The following TMEM74 variants were observed in gnomAD, a reference collection of about 807,000 sequenced individuals.
TMEM74 encodes transmembrane protein 74.
A neutral mutation model predicts 18.1 loss-of-function variants in TMEM74; 13 were observed. That is an observed-to-expected ratio of 0.72 (90% CI 0.47 to 1.14). TMEM74 has a LOEUF of 1.14. Among genes scored for constraint, TMEM74 ranks in the 50% most tolerant of loss-of-function variants. TMEM74 has a pLI of 0.00. For missense variants in TMEM74, 372 were observed against 375.9 expected (o/e 0.99, Z 0.09); for synonymous variants, 159 against 146.6 (o/e 1.08, Z -0.61).
intron 1 of TMEM74, among the ~76,000 whole-genome samples, chr8:108,714,025 T>C (rs1813499150): frequency 6.6e-6 from 1 of 152,206 alleles, no homozygotes; most frequent in Non-Finnish European, 1.5e-5. Context: ...ACCTTTTCTC[T>C]GTTTTTGTTC....
intron 1 of TMEM74, among the ~76,000 whole-genome samples, chr8:108,772,310 T>C (rs1158172957): frequency 6.6e-6 from 1 of 152,150 alleles, no homozygotes; most frequent in Non-Finnish European, 1.5e-5. Flanking sequence ...TGTGTTGGCA[T>C]TGGGGCCCAA....
chr8:108,674,755 A>T (rs1813036782), intron 1 of TMEM74, among the ~76,000 whole-genome samples: 1 of 152,192 alleles, frequency 6.6e-6, no homozygotes, highest in Non-Finnish European at 1.5e-5. Flanking sequence ...ACAACTCCAG[A>T]ATGGCACCAC....
At chr8:108,643,001 C>G (rs1302404699) in intron 2 of TMEM74, among the ~76,000 whole-genome samples, 2 of 152,104 alleles carry the variant, frequency 1.3e-5, no homozygotes, top group Non-Finnish European at 2.9e-5. Flanking sequence ...TCACTATATA[C>G]CCCTTACCCC....
At chr8:108,619,852 A>T (rs1164671491) in intron 2 of TMEM74, among the ~76,000 whole-genome samples, 2 of 152,188 alleles carry the variant, frequency 1.3e-5, no homozygotes, top group Admixed American at 1.3e-4. Context: ...GATTCATATA[A>T]TGTATGAACC....
chr8:108,780,545 C>T lies in TMEM74; in HGVS notation c.*3636G>A, dbSNP rs1378778837. On this transcript the variant is annotated 3_prime_UTR_variant, in exon 2 of 2. Coordinates refer to ENST00000297459, the MANE Select transcript of TMEM74 (RefSeq NM_153015.3). The stretch of plus-strand genomic sequence containing the variant: ...GAGGTAAAGGCACACATAAGTTTGG[C>T]AGCGCAGTCTCTTTTCAGAAATTGT... Among the ~76,000 whole-genome samples, 3 of 152,186 alleles carry T rather than the reference C, an allele frequency of 2.0e-5. No individual in the cohort carries two copies. Among genetic ancestry groups the T allele is most frequent in the African/African-American group, 7.2e-5 (3 of 41,448 alleles).
downstream of TMEM74, among the ~76,000 whole-genome samples, chr8:108,776,247 C>T (rs1262855949): frequency 1.3e-5 from 2 of 152,252 alleles, no homozygotes; most frequent in Non-Finnish European, 2.9e-5. Context: ...AATCCCAACA[C>T]TTCGGGCAGC....
chr8:108,639,040 A>G (rs541665236), intron 2 of TMEM74, among the ~76,000 whole-genome samples: 1 of 152,262 alleles, frequency 6.6e-6, no homozygotes, highest in East Asian at 1.9e-4. Context: ...ATATGTGGAA[A>G]GGAGCCAAGA....
chr8:108,645,948 G>A (rs1812712997), intron 2 of TMEM74, among the ~76,000 whole-genome samples: 1 of 152,082 alleles, frequency 6.6e-6, no homozygotes, highest in Non-Finnish European at 1.5e-5. Flanking sequence ...TAATGAATAA[G>A]TATTATTTCC....
intron 1 of TMEM74, among the ~76,000 whole-genome samples, chr8:108,731,923 A>C (rs1813699221): frequency 6.6e-6 from 1 of 151,992 alleles, no homozygotes; most frequent in Admixed American, 6.6e-5. Context: ...GAAAAAAAAA[A>C]GCCCACCATT....
At chr8:108,643,759 G>T (rs1203036414) in intron 2 of TMEM74, among the ~76,000 whole-genome samples, 1 of 142,740 alleles carries the variant, frequency 7.0e-6, no homozygotes, top group African/African-American at 2.6e-5. Flanking sequence ...ATAGACAAAA[G>T]AAAAAAAAAA....
chr8:108,706,310 TA>T (rs1199442489), intron 1 of TMEM74, among the ~76,000 whole-genome samples: 1 of 152,226 alleles, frequency 6.6e-6, no homozygotes, highest in Admixed American at 6.5e-5. Flanking sequence ...TTTCATTCTT[TA>T]AACCAAAATG....
At chr8:108,721,485 T>C (rs1376212378) in intron 1 of TMEM74, among the ~76,000 whole-genome samples, 1 of 152,248 alleles carries the variant, frequency 6.6e-6, no homozygotes, top group Non-Finnish European at 1.5e-5. Context: ...TCCATCGATG[T>C]GGAATGCTCT....
At chr8:108,635,751 C>T (rs914399905) in intron 2 of TMEM74, among the ~76,000 whole-genome samples, 3 of 152,048 alleles carry the variant, frequency 2.0e-5, no homozygotes, top group Admixed American at 2.0e-4. Context: ...GCAACCTTGA[C>T]TAATTTTTTT....
chr8:108,681,110 C>T (rs968702330), intron 1 of TMEM74, among the ~76,000 whole-genome samples: 2 of 152,144 alleles, frequency 1.3e-5, no homozygotes, highest in Admixed American at 1.3e-4. Flanking sequence ...TTTCTAGATT[C>T]AATGCCATCC....
intron 2 of TMEM74, among the ~76,000 whole-genome samples, chr8:108,631,626 C>T (rs1352102230): frequency 6.6e-6 from 1 of 151,952 alleles, no homozygotes; most frequent in Admixed American, 6.6e-5. Context: ...AGACCTTTGT[C>T]GGATGCATAG....
intron 1 of TMEM74, among the ~76,000 whole-genome samples, chr8:108,754,268 T>A (rs1186653644): frequency 6.6e-6 from 1 of 152,184 alleles, no homozygotes; most frequent in Non-Finnish European, 1.5e-5. Flanking sequence ...GTAGTTCTTA[T>A]TCTCATTTTA....
intron 1 of TMEM74, among the ~76,000 whole-genome samples, chr8:108,771,201 A>G (rs144325057): frequency 1.3e-5 from 2 of 152,278 alleles, no homozygotes; most frequent in African/African-American, 2.4e-5. Flanking sequence ...ACTTAACACC[A>G]TATACTAGCT....
intron 2 of TMEM74, among the ~76,000 whole-genome samples, chr8:108,631,659 C>G (rs922083393): frequency 2.6e-5 from 4 of 152,010 alleles, no homozygotes; most frequent in Admixed American, 1.3e-4. Context: ...TCTGCCCGTT[C>G]TGTAGGTTGT....
intron 1 of TMEM74, among the ~76,000 whole-genome samples, chr8:108,679,520 G>T (rs1208898315): frequency 6.6e-6 from 1 of 152,120 alleles, no homozygotes; most frequent in Non-Finnish European, 1.5e-5. Flanking sequence ...ATTTTTTCAT[G>T]TGTCTTTTGG....
Sources: gnomAD v4.1 joint callset for allele counts (sites outside exome capture counted in the v4.1 genomes callset) on GRCh38, gnomAD v4.1.1 for gene constraint, MANE v1.5 for transcripts, NCBI Gene and HGNC (gene_info 2026-07-23, HGNC 2026-07-21) for gene names.